ADAMTS12: variants seen among roughly 807,000 people sequenced by gnomAD.
ADAMTS12 encodes the protein A disintegrin and metalloproteinase with thrombospondin motifs 12.
Under a neutral mutation model 167.8 loss-of-function variants are expected in ADAMTS12, and 118 were observed. The ratio of observed to expected loss-of-function variants is 0.70; its 90% confidence interval spans 0.61 to 0.82. The LOEUF is 0.82. ADAMTS12 is among the 40% of genes least tolerant of loss of function. The probability of loss-of-function intolerance (pLI) is 0.00; values close to 1 mark genes in which losing one functional copy is unlikely to be tolerated. For missense variants in ADAMTS12, 1,916 were observed against 1,998.8 expected, an observed-to-expected ratio of 0.96 and a Z score of 0.79; for synonymous variants, 704 against 716.9, an observed-to-expected ratio of 0.98 and a Z score of 0.29.
At chr5:33,806,117 C>T (rs1439079694) in intron 2 of ADAMTS12, among the ~76,000 whole-genome samples, 4 of 152,162 alleles carry the variant, frequency 2.6e-5, no homozygotes, top group African/African-American at 9.7e-5. Flanking sequence ...CATCTACTAG[C>T]TACAAATCTG....
intron 23 of ADAMTS12, among the ~76,000 whole-genome samples, chr5:33,531,568 T>C (rs1296833497): frequency 6.6e-6 from 1 of 152,206 alleles, no homozygotes; most frequent in Admixed American, 6.5e-5. Context: ...AAATTGAATG[T>C]TGTCTCAATA....
intron 5 of ADAMTS12, among the ~76,000 whole-genome samples, chr5:33,667,271 T>C (rs1741505885): frequency 7.9e-6 from 1 of 126,090 alleles, no homozygotes. Flanking sequence ...TGAGCCAAGA[T>C]CACGTCACTG....
chr5:33,864,003 T>C (rs1479053250), intron 2 of ADAMTS12, among the ~76,000 whole-genome samples: 1 of 152,194 alleles, frequency 6.6e-6, no homozygotes, highest in Non-Finnish European at 1.5e-5. Context: ...GCTAGCCATA[T>C]GCAGAAAACT....
chr5:33,576,715 T>C lies in ADAMTS12; in HGVS notation c.3311A>G (p.Glu1104Gly), dbSNP rs770340531. The C allele has an allele frequency of 6.2e-7, 1 of 1,614,216 alleles. No individual in the cohort carries two copies. The highest frequency in any genetic ancestry group is 2.2e-5 in the East Asian group (1 of 44,886). Residue 1104 changes from glutamate (E) to glycine (G), a missense_variant, in exon 19 of 24, where the codon GAA (glutamate) becomes GGA (glycine). Coordinates refer to ENST00000504830, the MANE Select transcript of ADAMTS12 (RefSeq NM_030955.4). Reference sequence around the variant, plus strand: ...ACCAGTATCTGAACTGGAAACATTTTCCTCACTTGGCTGAATGCTCAAGGA... The same window carrying C: ...ACCAGTATCTGAACTGGAAACATTTCCCTCACTTGGCTGAATGCTCAAGGA... ...SQSLSIQPSE[E>G]NVSSSDTGPT...
intron 2 of ADAMTS12, among the ~76,000 whole-genome samples, chr5:33,878,043 C>T (rs891745892): frequency 6.6e-6 from 1 of 152,200 alleles, no homozygotes; most frequent in African/African-American, 2.4e-5. Flanking sequence ...GATCCTAGGC[C>T]TGCCATCCTG....
chr5:33,829,198 A>G (rs938301490), intron 2 of ADAMTS12, among the ~76,000 whole-genome samples: 1 of 152,152 alleles, frequency 6.6e-6, no homozygotes, highest in Admixed American at 6.5e-5. Context: ...ACTCATACTC[A>G]TGAGCTGTGC....
intron 2 of ADAMTS12, among the ~76,000 whole-genome samples, chr5:33,808,809 A>C (rs1747335993): frequency 6.6e-6 from 1 of 152,224 alleles, no homozygotes; most frequent in Admixed American, 6.5e-5. Context: ...GGAGATTAAA[A>C]GTCTTCCTTA....
intron 2 of ADAMTS12, among the ~76,000 whole-genome samples, chr5:33,851,794 T>G (rs1430966593): frequency 6.6e-6 from 1 of 152,234 alleles, no homozygotes; most frequent in Non-Finnish European, 1.5e-5. Flanking sequence ...TTTCATTCAT[T>G]TATTCTGCAC....
At chr5:33,841,522 G>T (rs1209837127) in intron 2 of ADAMTS12, among the ~76,000 whole-genome samples, 1 of 152,110 alleles carries the variant, frequency 6.6e-6, no homozygotes, top group African/African-American at 2.4e-5. Flanking sequence ...TTCAAATAGG[G>T]TGGCCTACAT....
intron 2 of ADAMTS12, among the ~76,000 whole-genome samples, chr5:33,864,124 C>G (rs1749722813): frequency 6.6e-6 from 1 of 151,856 alleles, no homozygotes. Context: ...CTAGGTAATA[C>G]CACTCAGGAC....
At chr5:33,866,980 G>A (rs1285504521) in intron 2 of ADAMTS12, among the ~76,000 whole-genome samples, 1 of 151,914 alleles carries the variant, frequency 6.6e-6, no homozygotes, top group African/African-American at 2.4e-5. Context: ...TGAAAGATGT[G>A]GTGAAAGGCA....
At chr5:33,790,136 G>A (rs975326989) in intron 2 of ADAMTS12, among the ~76,000 whole-genome samples, 1 of 152,128 alleles carries the variant, frequency 6.6e-6, no homozygotes. Flanking sequence ...AATCAGGTGC[G>A]GCCAGAGTCC....
intron 13 of ADAMTS12, among the ~76,000 whole-genome samples, chr5:33,629,392 G>A (rs1181569773): frequency 6.6e-6 from 1 of 152,188 alleles, no homozygotes; most frequent in Non-Finnish European, 1.5e-5. Flanking sequence ...AACAAAATTT[G>A]TTGAGTTTAC....
intron 5 of ADAMTS12, among the ~76,000 whole-genome samples, chr5:33,680,021 G>A (rs1435749312): frequency 6.6e-6 from 1 of 152,194 alleles, no homozygotes; most frequent in Non-Finnish European, 1.5e-5. Context: ...TGTGAAGAAT[G>A]GCTTGAGCCA....
At chr5:33,868,353 C>T (rs1456440612) in intron 2 of ADAMTS12, among the ~76,000 whole-genome samples, 1 of 152,148 alleles carries the variant, frequency 6.6e-6, no homozygotes, top group Non-Finnish European at 1.5e-5. Flanking sequence ...TTCCAGGAGA[C>T]TTGTTAAATT....
At chr5:33,741,986 A>G (rs1039312715) in intron 3 of ADAMTS12, among the ~76,000 whole-genome samples, 1 of 152,178 alleles carries the variant, frequency 6.6e-6, no homozygotes, top group East Asian at 1.9e-4. Context: ...ATACTCTTAC[A>G]GCATTTGTCA....
chr5:33,872,546 G>GA (rs61345844), intron 2 of ADAMTS12, among the ~76,000 whole-genome samples: 42 of 141,906 alleles, frequency 3.0e-4, no homozygotes, highest in African/African-American at 3.6e-4. Context: ...GACTTCATCT[G>GA]AAAAAAAAAA....
chr5:33,677,091 A>G (rs1741941005), intron 5 of ADAMTS12, among the ~76,000 whole-genome samples: 1 of 152,166 alleles, frequency 6.6e-6, no homozygotes, highest in Non-Finnish European at 1.5e-5. Context: ...TCTTGTTCTT[A>G]AAAGAAGTCT....
intron 3 of ADAMTS12, among the ~76,000 whole-genome samples, chr5:33,686,299 G>A (rs1419367382): frequency 6.6e-6 from 1 of 152,134 alleles, no homozygotes; most frequent in Non-Finnish European, 1.5e-5. Context: ...CAAAGACTGT[G>A]CTGTGCACAG....
Sources: gnomAD v4.1 joint callset for allele counts (sites outside exome capture counted in the v4.1 genomes callset) on GRCh38, gnomAD v4.1.1 for gene constraint, MANE v1.5 for transcripts, NCBI Gene and HGNC (gene_info 2026-07-23, HGNC 2026-07-21) for gene names.